The following SAMHD1 variants were observed in gnomAD, a reference collection of about 807,000 sequenced individuals.
The protein encoded by SAMHD1 is SAM and HD domain containing deoxynucleoside triphosphate triphosphohydrolase 1.
A neutral mutation model predicts 79.6 loss-of-function variants in SAMHD1; 54 were observed. The observed-to-expected ratio is 0.68, with a 90% CI of 0.55 to 0.85. SAMHD1 has a LOEUF of 0.85. Among genes scored for constraint, SAMHD1 ranks in the 40% least tolerant of loss-of-function variants. The pLI is 0.00. For missense variants in SAMHD1, 663 were observed against 782.7 expected, an observed-to-expected ratio of 0.85 and a Z score of 1.82; for synonymous variants, 260 against 264.1, an observed-to-expected ratio of 0.98 and a Z score of 0.15.
intron 1 of SAMHD1, among the ~76,000 whole-genome samples, chr20:36,947,350 T>TGTGTGTGTG (rs1568785869): frequency 8.7e-6 from 1 of 114,662 alleles, no homozygotes; most frequent in African/African-American, 3.3e-5. Flanking sequence ...TGTGTGTGTG[T>TGTGTGTGTG]CCTGGGAAAG....
intron 4 of SAMHD1, 154 bp from the exon 5 acceptor site, chr20:36,931,029 C>A (rs765501238): frequency 1.5e-6 from 1 of 669,750 alleles, no homozygotes; most frequent in Non-Finnish European, 2.7e-6. Context: ...CAGGAACACA[C>A]ACAAACGGAA....
chr20:36,938,404 G>A (rs761770270), intron 3 of SAMHD1, among the ~76,000 whole-genome samples: 7 of 152,108 alleles, frequency 4.6e-5, no homozygotes, highest in Non-Finnish European at 8.8e-5. Context: ...GCCGGGTGTG[G>A]TGGCATGCAC....
intron 9 of SAMHD1, among the ~76,000 whole-genome samples, chr20:36,915,079 C>A (rs1469996151): frequency 6.6e-6 from 1 of 152,070 alleles, no homozygotes; most frequent in East Asian, 1.9e-4. Context: ...TGCAGTGGCT[C>A]ACACCTATAA....
At chr20:36,948,288 G>C (rs904757290) in intron 1 of SAMHD1, among the ~76,000 whole-genome samples, 1 of 150,566 alleles carries the variant, frequency 6.6e-6, no homozygotes, top group Non-Finnish European at 1.5e-5. Context: ...AGTCTCACTC[G>C]GTCGCCCAGG....
At chr20:36,909,948 C>T (rs965385363) in intron 11 of SAMHD1, among the ~76,000 whole-genome samples, 6 of 151,592 alleles carry the variant, frequency 4.0e-5, no homozygotes, top group African/African-American at 7.3e-5. Flanking sequence ...CAGGTGTGGC[C>T]GGGCGGTGTC....
At chr20:36,934,782 C>A (rs1350627826) in intron 4 of SAMHD1, 1 of 400,324 alleles carries the variant, frequency 2.5e-6, no homozygotes, top group Non-Finnish European at 4.7e-6. Context: ...CCTCAGCCTC[C>A]TGAGTAGCTA....
chr20:36,909,636 A>G (rs1195423383), intron 11 of SAMHD1, among the ~76,000 whole-genome samples: 1 of 145,010 alleles, frequency 6.9e-6, no homozygotes, highest in South Asian at 2.1e-4. Context: ...GTGCCATTGC[A>G]TTACAGCCTG....
chr20:36,936,566 G>A (rs1432787019), intron 3 of SAMHD1, among the ~76,000 whole-genome samples: 3 of 151,724 alleles, frequency 2.0e-5, no homozygotes, highest in Admixed American at 6.6e-5. Flanking sequence ...TCAGCCTCCC[G>A]AAGTGCTGGA....
intron 10 of SAMHD1, 126 bp downstream of exon 10, chr20:36,912,335 C>T (rs368565923): frequency 5.0e-5 from 34 of 685,188 alleles, no homozygotes; most frequent in East Asian, 3.3e-4. Flanking sequence ...TTTAAGGAAA[C>T]CATTTTCAAT....
chr20:36,922,499 G>A (rs987256473), intron 6 of SAMHD1, among the ~76,000 whole-genome samples: 5 of 152,052 alleles, frequency 3.3e-5, no homozygotes, highest in African/African-American at 7.2e-5. Flanking sequence ...TAATCCTCCC[G>A]TTCTCAGTAG....
At position 36,941,250 on chromosome 20, in the gene SAMHD1, T is replaced by C. The variant is rs559140917; in HGVS notation, c.276-139A>G. 13 of 698,760 alleles carry C rather than the reference T, an allele frequency of 1.9e-5. No homozygotes were observed. In the African/African-American group the frequency reaches 2.3e-4, roughly 12 times the overall value. 43.3% of individuals were successfully genotyped at this position (698,760 alleles called of 1,614,324 possible). A position where few individuals can be genotyped will look rare whatever the true frequency, so the allele number is the denominator to read the frequency against. ...GAAGGAACAATCAATAATTCAAACA[T>C]ACCCCTCCTAGAAACTCTCTCCTTC... On this transcript the variant is annotated intron_variant, in intron 2 of 15. Transcript: ENST00000646673.
chr20:36,946,458 G>A (rs1322032183), intron 2 of SAMHD1: 4 of 342,126 alleles, frequency 1.2e-5, no homozygotes, highest in African/African-American at 6.5e-5. Flanking sequence ...ATGGTGGTGG[G>A]CACCTGTAAT....
At position 36,951,546 on chromosome 20, in the gene SAMHD1, G is replaced by T. The variant is rs77851709; in HGVS notation, c.98C>A (p.Ser33Tyr). Residue 33 changes from serine (S) to tyrosine (Y), a missense_variant, in exon 1 of 16, where the codon TCC (serine) becomes TAC (tyrosine). Transcript: ENST00000646673. ...SNTPSAEADWSPGLELHPDYK... is the reference protein window; with the variant it reads ...SNTPSAEADWYPGLELHPDYK... The stretch of plus-strand genomic sequence containing the variant: ...GTCGGGATGGAGTTCCAGGCCCGGG[G>T]ACCAGTCTGCCTCTGCGGAAGGGGT... The T allele has an allele frequency of 1.9e-6, 3 of 1,614,106 alleles. No individual in the cohort carries two copies. The highest frequency in any genetic ancestry group is 1.7e-5 in the Admixed American group (1 of 60,012).
chr20:36,942,790 C>G (rs1248224602), intron 2 of SAMHD1, among the ~76,000 whole-genome samples: 1 of 151,870 alleles, frequency 6.6e-6, no homozygotes, highest in Admixed American at 6.6e-5. Context: ...GGGACTACAG[C>G]CGCCCGCCAC....
chr20:36,900,918 A>C (rs1990294543), intron 13 of SAMHD1, among the ~76,000 whole-genome samples: 1 of 152,178 alleles, frequency 6.6e-6, no homozygotes, highest in Non-Finnish European at 1.5e-5. Context: ...GAATGTTCCC[A>C]ACACAGAGAA....
Position 36,951,482 on chromosome 20 carries a change from G to T in SAMHD1, c.162C>A (p.Leu54=). ...CCGGCTCTTCAAAGCCACCGCGCCT[G>T]AGGAAGGAGCACACCTGCTCCGGAC... The part of the protein sequence containing the change: ...TWGPEQVCSF[L]RRGGFEEPVL... The change falls in exon 1 of 16, where the codon CTC becomes CTA. Residue 54 remains leucine (L), a synonymous_variant. Transcript: ENST00000646673. The T allele has an allele frequency of 1.9e-6, 3 of 1,614,178 alleles. No individual in the cohort carries two copies. The South Asian group carries it at 3.3e-5, about 18-fold the overall frequency.
At chr20:36,911,167 T>C (rs2063437020) in intron 11 of SAMHD1, 51 bp downstream of exon 11, 2 of 1,052,680 alleles carry the variant, frequency 1.9e-6, no homozygotes, top group East Asian at 4.7e-5. Flanking sequence ...ATTCAGGGAC[T>C]TCTTACAGTT....
chr20:36,951,510 C>A lies in SAMHD1; in HGVS notation c.134G>T (p.Trp45Leu). 1 of 1,614,198 alleles carries A rather than the reference C, an allele frequency of 6.2e-7. No individual in the cohort carries two copies. The highest frequency in any genetic ancestry group is 8.5e-7 in the Non-Finnish European group (1 of 1,180,014). Reference sequence around the variant, plus strand: ...GAAGGAGCACACCTGCTCCGGACCCCATGTCTTGTAGTCGGGATGGAGTTC... The same window carrying A: ...GAAGGAGCACACCTGCTCCGGACCCAATGTCTTGTAGTCGGGATGGAGTTC... ...GLELHPDYKTWGPEQVCSFLR... is the reference protein window; with the variant it reads ...GLELHPDYKTLGPEQVCSFLR... Residue 45 changes from tryptophan to leucine, a missense_variant, in exon 1 of 16, where the codon TGG becomes TTG. Trp to Leu is a moderately conservative substitution (Grantham distance 61). Coordinates refer to ENST00000646673, the MANE Select transcript of SAMHD1 (RefSeq NM_015474.4).
chr20:36,939,274 A>G (rs921233069), intron 3 of SAMHD1, among the ~76,000 whole-genome samples: 4 of 146,574 alleles, frequency 2.7e-5, no homozygotes, highest in Non-Finnish European at 4.5e-5. Context: ...AAAAAAAAAA[A>G]AAAAAGAAAA....
Sources: allele counts gnomAD v4.1 joint callset (sites outside exome capture counted in the v4.1 genomes callset), GRCh38; gene constraint gnomAD v4.1.1; transcripts MANE v1.5; gene names NCBI Gene and HGNC (gene_info 2026-07-23, HGNC 2026-07-21).